The following FSTL5 variants were observed in gnomAD, a reference collection of about 807,000 sequenced individuals.
FSTL5 encodes the protein follistatin-related protein 5.
In FSTL5, 62 loss-of-function variants were observed where a neutral mutation model predicts 89.1. The ratio of observed to expected loss-of-function variants is 0.70; its 90% CI spans 0.57 to 0.86. FSTL5 has a LOEUF of 0.86. FSTL5 is among the 40% of genes least tolerant of loss of function. FSTL5 has a pLI of 0.00. For missense variants in FSTL5, 1,057 were observed against 1,001.6 expected (o/e 1.06, Z -0.75); for synonymous variants, 383 against 346.2 (o/e 1.11, Z -1.18).
intron 1 of FSTL5, among the ~76,000 whole-genome samples, chr4:162,162,513 G>A (rs1733735183): frequency 6.6e-6 from 1 of 151,866 alleles, no homozygotes; most frequent in Non-Finnish European, 1.5e-5. Context: ...TGACATAAAT[G>A]AGAGACCACA....
At chr4:162,055,203 T>C (rs1161991503) in intron 2 of FSTL5, among the ~76,000 whole-genome samples, 2 of 151,896 alleles carry the variant, frequency 1.3e-5, no homozygotes, top group South Asian at 2.1e-4. Context: ...ATCTACTTTG[T>C]ATAGAGTTTT....
chr4:162,087,329 A>G (rs1730359980), intron 2 of FSTL5, among the ~76,000 whole-genome samples: 1 of 152,134 alleles, frequency 6.6e-6, no homozygotes. Flanking sequence ...ATGGGTTCAT[A>G]ATTTTCTGCA....
intron 3 of FSTL5, among the ~76,000 whole-genome samples, chr4:162,023,915 T>G (rs1238795690): frequency 6.6e-6 from 1 of 152,108 alleles, no homozygotes; most frequent in Non-Finnish European, 1.5e-5. Context: ...AAAAATGGCC[T>G]GGGATTTCAG....
chr4:162,023,963 G>C (rs561801843), intron 3 of FSTL5, among the ~76,000 whole-genome samples: 24 of 152,192 alleles, frequency 1.6e-4, no homozygotes, highest in African/African-American at 5.1e-4. Flanking sequence ...GCATAAATCT[G>C]ATAAGAGAAA....
At chr4:161,472,256 C>T (rs1401070190) in intron 13 of FSTL5, among the ~76,000 whole-genome samples, 3 of 152,080 alleles carry the variant, frequency 2.0e-5, no homozygotes, top group African/African-American at 4.8e-5. Flanking sequence ...GAATTGCAGG[C>T]GTGAGCCACC....
intron 3 of FSTL5, among the ~76,000 whole-genome samples, chr4:161,997,870 C>T (rs1018658936): frequency 6.6e-6 from 1 of 152,082 alleles, no homozygotes; most frequent in African/African-American, 2.4e-5. Flanking sequence ...TCCCAAAGTG[C>T]TGGGATTACA....
chr4:161,573,185 G>A (rs746036176), intron 8 of FSTL5, among the ~76,000 whole-genome samples: 3 of 151,862 alleles, frequency 2.0e-5, no homozygotes, highest in East Asian at 3.9e-4. Context: ...TGAGTCAAGC[G>A]AATTGCTTGA....
intron 3 of FSTL5, among the ~76,000 whole-genome samples, chr4:161,927,303 AT>A (rs1472899216): frequency 6.6e-6 from 1 of 151,710 alleles, no homozygotes; most frequent in Non-Finnish European, 1.5e-5. Flanking sequence ...CTTAAAAAAT[AT>A]CTTATTTCTT....
At chr4:161,780,634 C>T (rs946105514) in intron 4 of FSTL5, among the ~76,000 whole-genome samples, 2 of 152,204 alleles carry the variant, frequency 1.3e-5, no homozygotes, top group African/African-American at 4.8e-5. Flanking sequence ...GAAAATCCAT[C>T]TGGCCTTGTG....
chr4:161,607,694 C>T (rs537096082), intron 7 of FSTL5, among the ~76,000 whole-genome samples: 1 of 152,176 alleles, frequency 6.6e-6, no homozygotes, highest in East Asian at 1.9e-4. Context: ...TTTTGAGAAC[C>T]TGAATAAAGC....
intron 6 of FSTL5, among the ~76,000 whole-genome samples, chr4:161,671,508 T>C (rs888148295): frequency 2.0e-5 from 3 of 152,210 alleles, no homozygotes; most frequent in Non-Finnish European, 4.4e-5. Context: ...AGTTGCCTAT[T>C]CATTGAAACA....
intron 4 of FSTL5, among the ~76,000 whole-genome samples, chr4:161,861,382 A>G (rs1000227926): frequency 2.0e-5 from 3 of 152,100 alleles, no homozygotes; most frequent in Admixed American, 6.6e-5. Flanking sequence ...AAATAGCTCC[A>G]CTGCACTCCA....
intron 7 of FSTL5, among the ~76,000 whole-genome samples, chr4:161,614,812 C>T (rs907996994): frequency 6.6e-6 from 1 of 152,054 alleles, no homozygotes; most frequent in African/African-American, 2.4e-5. Context: ...ATTTTATTCT[C>T]AAGGATTAAG....
intron 3 of FSTL5, among the ~76,000 whole-genome samples, chr4:161,936,117 T>C (rs1734425424): frequency 6.6e-6 from 1 of 152,148 alleles, no homozygotes; most frequent in African/African-American, 2.4e-5. Flanking sequence ...GAGGCAGAGA[T>C]TGCATTCAGC....
chr4:161,456,362 A>G (rs914750410), intron 14 of FSTL5, among the ~76,000 whole-genome samples: 9 of 152,220 alleles, frequency 5.9e-5, no homozygotes, highest in Non-Finnish European at 1.2e-4. Flanking sequence ...ATATTGTCAT[A>G]TATCTAAAAT....
intron 4 of FSTL5, among the ~76,000 whole-genome samples, chr4:161,902,404 T>C (rs950193054): frequency 6.6e-6 from 1 of 152,104 alleles, no homozygotes; most frequent in African/African-American, 2.4e-5. Context: ...TTTTAAATTA[T>C]CAGGAAAGGG....
At chr4:162,092,499 CT>C (rs936969489) in intron 2 of FSTL5, among the ~76,000 whole-genome samples, 1 of 152,066 alleles carries the variant, frequency 6.6e-6, no homozygotes, top group Non-Finnish European at 1.5e-5. Flanking sequence ...CATTTTGCTG[CT>C]AGAAATTATT....
intron 2 of FSTL5, among the ~76,000 whole-genome samples, chr4:162,041,202 TA>T (rs5863513): frequency 0.38 from 37,431 of 97,534 alleles, 6,308 homozygotes; most frequent in Middle Eastern, 0.43. Flanking sequence ...GATGAGATGG[TA>T]AAAAAAAAAA....
At chr4:161,980,217 G>A in intron 3 of FSTL5, among the ~76,000 whole-genome samples, 2 of 142,054 alleles carry the variant, frequency 1.4e-5, no homozygotes, top group Non-Finnish European at 3.1e-5. Flanking sequence ...AAAAGGAAAG[G>A]AAAGAAGAAA....
Sources: allele counts gnomAD v4.1 joint callset (sites outside exome capture counted in the v4.1 genomes callset), GRCh38; gene constraint gnomAD v4.1.1; transcripts MANE v1.5; gene names NCBI Gene and HGNC (gene_info 2026-07-23, HGNC 2026-07-21).